The following STAG1 variants were observed in gnomAD, a reference collection of about 807,000 sequenced individuals.
STAG1 encodes cohesin subunit SA-1.
In STAG1, 26 loss-of-function variants were observed where a neutral mutation model predicts 170.9. The observed-to-expected ratio is 0.15, with a 90% CI of 0.11 to 0.21. The LOEUF (loss-of-function observed/expected upper bound fraction) is 0.21. Ranked by LOEUF, STAG1 falls within the 10% of genes least tolerant of loss-of-function variation. The pLI is 1.00. For synonymous variants in STAG1, 514 were observed against 497.7 expected (o/e 1.03, Z -0.44); for missense variants, 964 against 1,509.5 (o/e 0.64, Z 5.99).
chr3:136,583,305 T>A (rs1259964191), intron 4 of STAG1, among the ~76,000 whole-genome samples: 1 of 152,226 alleles, frequency 6.6e-6, no homozygotes, highest in African/African-American at 2.4e-5. Flanking sequence ...TTTAACATGA[T>A]GTATTCTAGA....
intron 13 of STAG1, among the ~76,000 whole-genome samples, chr3:136,464,316 G>C (rs1341724652): frequency 6.6e-6 from 1 of 151,984 alleles, no homozygotes; most frequent in Non-Finnish European, 1.5e-5. Context: ...CCAGCTACTT[G>C]GGAAGCTGAG....
intron 14 of STAG1, among the ~76,000 whole-genome samples, chr3:136,448,956 T>G (rs1048572720): frequency 1.3e-5 from 2 of 152,082 alleles, no homozygotes; most frequent in Non-Finnish European, 2.9e-5. Context: ...CTCTATTATT[T>G]CTAAAGTCTC....
At chr3:136,532,637 C>A (rs984786299) in intron 6 of STAG1, among the ~76,000 whole-genome samples, 2 of 152,096 alleles carry the variant, frequency 1.3e-5, no homozygotes, top group Non-Finnish European at 2.9e-5. Context: ...AAATGTGATA[C>A]ATAACATCAA....
intron 6 of STAG1, among the ~76,000 whole-genome samples, chr3:136,541,461 C>T (rs1246706042): frequency 6.7e-6 from 1 of 148,870 alleles, no homozygotes; most frequent in East Asian, 2.0e-4. Context: ...ATTTGTGAAG[C>T]CAAGCAAAGA....
chr3:136,438,161 T>G (rs1047246369), intron 15 of STAG1, among the ~76,000 whole-genome samples: 13 of 152,216 alleles, frequency 8.5e-5, no homozygotes, highest in African/African-American at 2.4e-4. Context: ...TCAGATACTT[T>G]GAAACTGTTA....
intron 1 of STAG1, among the ~76,000 whole-genome samples, chr3:136,734,754 T>A (rs1157718956): frequency 6.6e-6 from 1 of 152,234 alleles, no homozygotes; most frequent in Non-Finnish European, 1.5e-5. Flanking sequence ...AGAAGCTTTT[T>A]AAGAGAAGAA....
chr3:136,616,334 G>C (rs1939596638), intron 3 of STAG1, among the ~76,000 whole-genome samples: 2 of 151,928 alleles, frequency 1.3e-5, no homozygotes, highest in Admixed American at 1.3e-4. Context: ...CAAGAGACTT[G>C]GAGATGAGGA....
At chr3:136,371,553 T>C (rs550316884) in intron 23 of STAG1, among the ~76,000 whole-genome samples, 5 of 152,304 alleles carry the variant, frequency 3.3e-5, no homozygotes, top group East Asian at 1.9e-4. Context: ...GGAAGGGATC[T>C]GGTTTCAGCT....
intron 3 of STAG1, 31 bp from the exon 4 acceptor site, chr3:136,604,504 G>T: frequency 6.4e-7 from 1 of 1,565,486 alleles, no homozygotes; most frequent in South Asian, 1.2e-5. Flanking sequence ...GATTCCATTC[G>T]ATTAGGTTTA....
At chr3:136,472,193 T>A (rs933744325) in intron 12 of STAG1, among the ~76,000 whole-genome samples, 1 of 151,988 alleles carries the variant, frequency 6.6e-6, no homozygotes, top group African/African-American at 2.4e-5. Flanking sequence ...CTAGGCTGCA[T>A]AAAATAATTT....
chr3:136,686,347 C>A (rs955968272), intron 1 of STAG1, among the ~76,000 whole-genome samples: 2 of 152,130 alleles, frequency 1.3e-5, no homozygotes, highest in Non-Finnish European at 2.9e-5. Context: ...ATGGATGTAT[C>A]CTTGTTGTCT....
rs776717703 is a variant in STAG1 at position 136,751,172 on chromosome 3, G to GTTTTTTTT, written c.-84+1015_-84+1022dup. 1.5e-4 allele frequency among the ~76,000 whole-genome samples: 20 copies of GTTTTTTTT among 136,150 alleles called. 1 individual carries two copies. The highest frequency in any genetic ancestry group is 2.3e-4 in the South Asian group (1 of 4,426). The allele number at this position is 136,150 out of a possible 152,430, so 89.3% of individuals were successfully genotyped here. A position where few individuals can be genotyped will look rare whatever the true frequency, so the allele number is the denominator to read the frequency against. On this transcript the variant is annotated intron_variant, in intron 1 of 33. Coordinates refer to ENST00000383202, the MANE Select transcript of STAG1 (RefSeq NM_005862.3). ...ATAATTTTTTTTTATGACAAATTGC[G>GTTTTTTTT]TTTTTTTTTTTTGTTTTTTTTTTGT...
intron 4 of STAG1, among the ~76,000 whole-genome samples, chr3:136,587,262 G>A (rs967798910): frequency 1.3e-5 from 2 of 151,972 alleles, no homozygotes; most frequent in Non-Finnish European, 2.9e-5. Context: ...ATTTGAGGCC[G>A]GACCTGATGG....
chr3:136,412,127 G>C (rs2107712860), intron 21 of STAG1, among the ~76,000 whole-genome samples: 1 of 152,202 alleles, frequency 6.6e-6, no homozygotes, highest in African/African-American at 2.4e-5. Flanking sequence ...AATAAAAAAA[G>C]AGTACTGATT....
chr3:136,563,641 T>C (rs1344000873), intron 5 of STAG1, among the ~76,000 whole-genome samples: 1 of 146,664 alleles, frequency 6.8e-6, no homozygotes, highest in African/African-American at 2.5e-5. Flanking sequence ...ATTCCCTTCT[T>C]TCTTACAAAA....
At chr3:136,601,711 C>A (rs567345901) in intron 4 of STAG1, among the ~76,000 whole-genome samples, 93 of 152,134 alleles carry the variant, frequency 6.1e-4, no homozygotes, top group African/African-American at 2.1e-3. Flanking sequence ...GTGGCAGGCA[C>A]CTGTAACCCC....
chr3:136,635,837 T>C (rs1940529519), intron 1 of STAG1, among the ~76,000 whole-genome samples: 1 of 152,210 alleles, frequency 6.6e-6, no homozygotes, highest in Non-Finnish European at 1.5e-5. Flanking sequence ...TGAACAAATA[T>C]AATTTTAAAT....
chr3:136,593,962 A>G (rs1042625608), intron 4 of STAG1, among the ~76,000 whole-genome samples: 1 of 152,146 alleles, frequency 6.6e-6, no homozygotes, highest in African/African-American at 2.4e-5. Flanking sequence ...CCTCTCATCT[A>G]ATGTCTCAGT....
In STAG1 at chr3:136,671,694, T is replaced by C. The variant is rs144020571; in HGVS notation, c.-83-40713A>G. 4.5e-3 allele frequency among the ~76,000 whole-genome samples: 678 copies of C among 152,048 alleles called. 7 individuals carry two copies. The highest frequency in any genetic ancestry group is 0.035 in the South Asian group (167 of 4,802). On this transcript the variant is annotated intron_variant, in intron 1 of 33. Coordinates refer to ENST00000383202, the MANE Select transcript of STAG1 (RefSeq NM_005862.3). Reference sequence around the variant, plus strand: ...TGACTTGAGCCCAGAAGTTCGACACTAGCCTGGGCAACATGGTGAAACCCC... The same window carrying C: ...TGACTTGAGCCCAGAAGTTCGACACCAGCCTGGGCAACATGGTGAAACCCC...
Sources: allele counts gnomAD v4.1 joint callset (sites outside exome capture counted in the v4.1 genomes callset), GRCh38; gene constraint gnomAD v4.1.1; transcripts MANE v1.5; gene names NCBI Gene and HGNC (gene_info 2026-07-23, HGNC 2026-07-21).